Variants in HEG1 observed in about 807,000 individuals in gnomAD.
HEG1 encodes the protein protein HEG homolog 1.
HEG1 carries 56 observed loss-of-function variants against 125.6 expected under a neutral mutation model. The ratio of observed to expected loss-of-function variants is 0.45; its 90% confidence interval spans 0.36 to 0.56. HEG1 has a LOEUF of 0.56. Ranked by LOEUF, HEG1 falls within the 20% of genes least tolerant of loss-of-function variation. The probability of loss-of-function intolerance (pLI) is 0.00; values close to 1 mark genes in which losing one functional copy is unlikely to be tolerated. For synonymous variants in HEG1, 644 were observed against 668.5 expected (o/e 0.96, Z 0.57); for missense variants, 1,523 against 1,670.0 (o/e 0.91, Z 1.53).
chr3:124,977,089 T>C (rs1936559880), intron 15 of HEG1, among the ~76,000 whole-genome samples: 1 of 115,606 alleles, frequency 8.7e-6, no homozygotes, highest in African/African-American at 3.8e-5. Context: ...ATGAGTCTCA[T>C]GAGATCTGAT....
chr3:124,990,076 C>T (rs1403996324), intron 14 of HEG1, among the ~76,000 whole-genome samples: 1 of 152,156 alleles, frequency 6.6e-6, no homozygotes, highest in Non-Finnish European at 1.5e-5. Flanking sequence ...ATGTCCTCCC[C>T]CCATACCCGC....
chr3:125,046,402 C>G (rs11707851), intron 1 of HEG1, among the ~76,000 whole-genome samples: 84 of 31,198 alleles, frequency 2.7e-3, no homozygotes, highest in African/African-American at 0.015. Context: ...TACACATACA[C>G]ACACACACAC....
intron 1 of HEG1, among the ~76,000 whole-genome samples, chr3:125,037,497 G>A (rs1297856354): frequency 6.6e-6 from 1 of 152,246 alleles, no homozygotes; most frequent in Non-Finnish European, 1.5e-5. Context: ...CTGAAAGACT[G>A]ATGAGTTTCC....
chr3:125,021,952 C>T (rs1420533384), intron 3 of HEG1, among the ~76,000 whole-genome samples: 1 of 152,210 alleles, frequency 6.6e-6, no homozygotes, highest in African/African-American at 2.4e-5. Flanking sequence ...AGCATTTGCT[C>T]TAATAGATGG....
rs747621413 is a variant in HEG1 at position 125,013,560 on chromosome 3, C to A, written c.2019G>T (p.Gly673=). 9.6e-5 allele frequency: 143 copies of A among 1,496,902 alleles called. No individual in the cohort carries two copies. Among genetic ancestry groups the A allele is most frequent in the Non-Finnish European group, 1.2e-4 (138 of 1,118,272 alleles). The allele number at this position is 1,496,902 out of a possible 1,614,324, so 92.7% of individuals were successfully genotyped here. A position where few individuals can be genotyped will look rare whatever the true frequency, so the allele number is the denominator to read the frequency against. Residue 673 remains glycine (G), a synonymous_variant, in exon 6 of 17, where the codon GGG becomes GGT. Coordinates refer to ENST00000311127, the MANE Select transcript of HEG1 (RefSeq NM_020733.2). ...ACACAGAGGGCAGAGGCAAAGGAGG[C>A]CCTGAAGAAGAAGAAGAGGAGGAGG... The part of the protein sequence containing the change: ...SSSSSSSSSS[G]PPLPLPSVSQ...
chr3:124,995,448 G>A (rs183949244), intron 12 of HEG1, among the ~76,000 whole-genome samples: 1 of 152,248 alleles, frequency 6.6e-6, no homozygotes, highest in African/African-American at 2.4e-5. Flanking sequence ...CACGTTGTGT[G>A]TGCATGTGTG....
rs1272729497 is a variant in HEG1 at position 124,973,802 on chromosome 3, G to A, written c.3925C>T (p.Arg1309Ter). 15 of 1,613,872 alleles carry A rather than the reference G, an allele frequency of 9.3e-6. No homozygotes were observed. The highest frequency in any genetic ancestry group is 1.7e-5 in the Admixed American group (1 of 60,022). Residue 1309 changes from arginine (R) to a stop codon, truncating the protein, a stop_gained, in exon 16 of 17, where the codon CGA (arginine) becomes TGA (stop). Coordinates refer to ENST00000311127, the MANE Select transcript of HEG1 (RefSeq NM_020733.2). LOFTEE classifies it high-confidence loss of function. ...TTCTCATGCATTTCAATAGCTTCTC[G>A]GCCCCATTCTTGTGAGCGAGGATTT... ...PKNPRSQEWG[R>*]EAIEMHENGS...
At chr3:125,046,144 C>G (rs989848498) in intron 1 of HEG1, among the ~76,000 whole-genome samples, 2 of 152,086 alleles carry the variant, frequency 1.3e-5, no homozygotes, top group African/African-American at 2.4e-5. Context: ...CCCGCCAGAG[C>G]TCCACGGCAT....
rs1937926642 is a variant in HEG1, at chr3:125,055,803, T to C, written c.88A>G (p.Thr30Ala). Residue 30 changes from threonine to alanine, a missense_variant, in exon 1 of 17, where the codon ACG (threonine) becomes GCG (alanine). Physicochemically the swap from Thr to Ala is moderately conservative, Grantham distance 58. Coordinates refer to ENST00000311127, the MANE Select transcript of HEG1 (RefSeq NM_020733.2). The stretch of plus-strand genomic sequence containing the variant: ...GCCGGGGAAGGCGGCGGGTCCCGCG[T>C]CCCGGGGGCCGCCGGCGGCAGCAGC... ...LLLLPPAAPG[T>A]RDPPPSPARR... 3 of 984,510 alleles carry C rather than the reference T, an allele frequency of 3.0e-6. No homozygotes were observed. Among genetic ancestry groups the C allele is most frequent in the Non-Finnish European group, 3.6e-6 (3 of 830,132 alleles). The allele number at this position is 984,510 out of a possible 1,614,324, so 61.0% of individuals were successfully genotyped here.
In HEG1 at chr3:124,990,883, T is replaced by G. The variant is rs532360934; in HGVS notation, c.3696-59A>C. On this transcript the variant is annotated intron_variant, in intron 13 of 16. Transcript: ENST00000311127. ...AGTTTCCAATCTCAAAAGAAATAAG[T>G]GAGGCAATTTATCTAAATAAGATTT... The G allele has an allele frequency of 5.8e-6, 9 of 1,552,880 alleles. No individual in the cohort carries two copies. The East Asian group carries it at 2.2e-4, about 37-fold the overall frequency.
chr3:124,981,811 C>T (rs1936659002), intron 14 of HEG1, among the ~76,000 whole-genome samples: 1 of 152,130 alleles, frequency 6.6e-6, no homozygotes, highest in African/African-American at 2.4e-5. Context: ...CTTCTTTGTG[C>T]TTTTCTGTAT....
At position 124,997,691 on chromosome 3, in the gene HEG1, C is replaced by A. The variant is rs747915776; in HGVS notation, c.3650G>T (p.Arg1217Leu). The change falls in exon 12 of 17, where the codon CGA becomes CTA. Residue 1217 changes from arginine (R) to leucine (L), a missense_variant and splice_region_variant. By Grantham distance (102) the Arg-to-Leu change is moderately radical (BLOSUM62 -2). Transcript: ENST00000311127. ...FQFNKMDHSC[R>L]ACEDGYRLEN... ...ACCCCAGGCGAAGCTGTGGCTACCT[C>A]GGCAGGAGTGGTCCATCTTGTTGAA... 6.4e-7 allele frequency: 1 copy of A among 1,574,554 alleles called. No individual in the cohort carries two copies. The highest frequency in any genetic ancestry group is 1.2e-5 in the South Asian group (1 of 84,814).
At chr3:124,974,173 T>C (rs1186356119) in intron 15 of HEG1, among the ~76,000 whole-genome samples, 1 of 151,742 alleles carries the variant, frequency 6.6e-6, no homozygotes, top group African/African-American at 2.4e-5. Context: ...ACAGCAGCAA[T>C]AGGGCAGATT....
rs768071136 is a variant in HEG1 at position 124,969,299 on chromosome 3, G to A, written c.*1353C>T. The A allele has an allele frequency of 3.9e-5, 6 of 152,116 alleles. No homozygotes were observed. Among genetic ancestry groups the A allele is most frequent in the Non-Finnish European group, 5.9e-5 (4 of 68,028 alleles). The allele number at this position is 152,116 out of a possible 1,614,324, so 9.4% of individuals were successfully genotyped here. ...TCTCCCTGGCAGGACCCACATCACA[G>A]GCATAATAAATAAGATGAGTGGAAC... On this transcript the variant is annotated 3_prime_UTR_variant, in exon 17 of 17. Coordinates refer to ENST00000311127, the MANE Select transcript of HEG1 (RefSeq NM_020733.2).
intron 15 of HEG1, among the ~76,000 whole-genome samples, chr3:124,975,867 T>G (rs1041407010): frequency 1.3e-5 from 2 of 152,262 alleles, no homozygotes; most frequent in African/African-American, 4.8e-5. Flanking sequence ...CTTCATTCAT[T>G]TTATGCCGGA....
intron 11 of HEG1, among the ~76,000 whole-genome samples, chr3:124,999,552 C>T (rs1936970771): frequency 6.6e-6 from 1 of 152,248 alleles, no homozygotes; most frequent in South Asian, 2.1e-4. Context: ...CCACCCTGCC[C>T]ATTAATCCAG....
At chr3:124,987,604 G>C (rs953023510) in intron 14 of HEG1, among the ~76,000 whole-genome samples, 2 of 140,956 alleles carry the variant, frequency 1.4e-5, no homozygotes, top group African/African-American at 5.5e-5. Context: ...CTCACTGCAA[G>C]CTCCGCCCCC....
At chr3:125,050,247 G>A (rs1178349651) in intron 1 of HEG1, among the ~76,000 whole-genome samples, 1 of 151,182 alleles carries the variant, frequency 6.6e-6, no homozygotes, top group African/African-American at 2.4e-5. Context: ...AGGTTCAAGC[G>A]ATTCTCATGC....
intron 12 of HEG1, among the ~76,000 whole-genome samples, chr3:124,993,412 T>C (rs116077948): frequency 1.6e-3 from 246 of 152,352 alleles, no homozygotes; most frequent in African/African-American, 5.6e-3. Context: ...CAATCTTTGA[T>C]ACCTGAGTTC....
Sources: gnomAD v4.1 joint callset for allele counts (sites outside exome capture counted in the v4.1 genomes callset) on GRCh38, gnomAD v4.1.1 for gene constraint, MANE v1.5 for transcripts, NCBI Gene and HGNC (gene_info 2026-07-23, HGNC 2026-07-21) for gene names.